The following LHFPL3 variants were observed in gnomAD, a reference collection of about 807,000 sequenced individuals.
LHFPL3 encodes the protein LHFPL tetraspan subfamily member 3 protein.
In LHFPL3, 5 loss-of-function variants were observed where a neutral mutation model predicts 19.3. That is an observed-to-expected ratio of 0.26 (90% CI 0.14 to 0.54). The LOEUF (loss-of-function observed/expected upper bound fraction) is 0.54, where lower values mean the gene tolerates loss of function less well. Among genes scored for constraint, LHFPL3 ranks in the 20% least tolerant of loss-of-function variants. The probability of loss-of-function intolerance (pLI) is 0.94; values close to 1 mark genes in which losing one functional copy is unlikely to be tolerated. For missense variants in LHFPL3, 249 were observed against 307.4 expected, an observed-to-expected ratio of 0.81 and a Z score of 1.42; for synonymous variants, 133 against 126.2, an observed-to-expected ratio of 1.05 and a Z score of -0.36.
intron 2 of LHFPL3, among the ~76,000 whole-genome samples, chr7:104,903,810 A>C (rs982181672): frequency 6.6e-6 from 1 of 152,010 alleles, no homozygotes; most frequent in Non-Finnish European, 1.5e-5. Context: ...TATGTACCAC[A>C]TTTTCTTTAT....
intron 1 of LHFPL3, among the ~76,000 whole-genome samples, chr7:104,606,284 G>A (rs1218958132): frequency 6.6e-6 from 1 of 152,224 alleles, no homozygotes; most frequent in Non-Finnish European, 1.5e-5. Context: ...TTGACAGAGA[G>A]CAGCGAGTAA....
At chr7:104,497,641 A>G (rs911493870) in intron 1 of LHFPL3, among the ~76,000 whole-genome samples, 6 of 145,458 alleles carry the variant, frequency 4.1e-5, no homozygotes, top group African/African-American at 1.6e-4. Flanking sequence ...AAAAAAAAAA[A>G]GGAGGAAAGG....
chr7:104,467,233 C>T (rs1584340117), intron 1 of LHFPL3, among the ~76,000 whole-genome samples: 2 of 152,134 alleles, frequency 1.3e-5, no homozygotes, highest in South Asian at 2.1e-4. Flanking sequence ...CTTGCTCTAC[C>T]TATCTCACAT....
At chr7:104,521,159 G>T (rs1214184429) in intron 1 of LHFPL3, among the ~76,000 whole-genome samples, 2 of 152,078 alleles carry the variant, frequency 1.3e-5, no homozygotes, top group East Asian at 1.9e-4. Flanking sequence ...CTTTGTTCTC[G>T]TTGGTTTCAA....
chr7:104,725,925 G>A (rs1004825057), intron 1 of LHFPL3, among the ~76,000 whole-genome samples: 2 of 151,868 alleles, frequency 1.3e-5, no homozygotes, highest in Admixed American at 6.6e-5. Flanking sequence ...GGTGGCATGT[G>A]CCTGTAATCC....
intron 1 of LHFPL3, among the ~76,000 whole-genome samples, chr7:104,490,600 C>T (rs191284620): frequency 1.6e-3 from 236 of 152,256 alleles, no homozygotes; most frequent in African/African-American, 5.1e-3. Flanking sequence ...TAGTTCTCCA[C>T]TCTCCATTGG....
intron 1 of LHFPL3, among the ~76,000 whole-genome samples, chr7:104,516,502 C>A (rs1357578928): frequency 1.3e-5 from 2 of 151,536 alleles, no homozygotes; most frequent in African/African-American, 4.9e-5. Flanking sequence ...ATTTTATTTG[C>A]CAAAATTAAT....
chr7:104,688,245 A>G (rs1432057622), intron 1 of LHFPL3, among the ~76,000 whole-genome samples: 1 of 152,166 alleles, frequency 6.6e-6, no homozygotes, highest in Non-Finnish European at 1.5e-5. Flanking sequence ...GAGCTCAGAG[A>G]TTCTAACTCC....
rs187269194 is a variant in LHFPL3 at position 104,848,943 on chromosome 7, A to C, written c.683-57244A>C. 1.6e-3 allele frequency among the ~76,000 whole-genome samples: 246 copies of C among 149,932 alleles called. 2 individuals are homozygous for C. Among genetic ancestry groups the C allele is most frequent in the African/African-American group, 5.8e-3 (236 of 40,802 alleles). ...TTGTTGTTGTTGTAGACAAAATCTC[A>C]CTCTGTCACCCGGTTTGTCAGATTG... is the stretch of plus-strand genomic sequence containing the variant. On this transcript the variant is annotated intron_variant, in intron 2 of 2. Transcript: ENST00000424859.
intron 1 of LHFPL3, among the ~76,000 whole-genome samples, chr7:104,569,187 T>C (rs1790180331): frequency 6.6e-6 from 1 of 152,192 alleles, no homozygotes. Context: ...CTTCTTCCCT[T>C]TGGCCATGGT....
intron 1 of LHFPL3, among the ~76,000 whole-genome samples, chr7:104,610,982 A>C (rs1004435521): frequency 1.3e-5 from 2 of 152,194 alleles, no homozygotes; most frequent in African/African-American, 4.8e-5. Context: ...CAGTAGCATG[A>C]ATCGGTTGAC....
intron 1 of LHFPL3, among the ~76,000 whole-genome samples, chr7:104,491,792 A>G (rs560763656): frequency 3.5e-4 from 54 of 152,316 alleles, no homozygotes; most frequent in African/African-American, 1.2e-3. Context: ...ATATCATCCA[A>G]ATTAAATGTT....
At chr7:104,586,830 T>C (rs1177111201) in intron 1 of LHFPL3, among the ~76,000 whole-genome samples, 1 of 152,154 alleles carries the variant, frequency 6.6e-6, no homozygotes, top group African/African-American at 2.4e-5. Flanking sequence ...GCCAAGCACA[T>C]TAACACAATC....
intron 1 of LHFPL3, among the ~76,000 whole-genome samples, chr7:104,430,406 A>ATGTGTATATATATATATATATG (rs1562895151): frequency 3.2e-5 from 1 of 31,430 alleles, no homozygotes; most frequent in Non-Finnish European, 5.2e-5. Context: ...ATATATATAC[A>ATGTGTATATATATATATATATG]TATATATATA....
intron 2 of LHFPL3, among the ~76,000 whole-genome samples, chr7:104,761,192 G>A (rs73415655): frequency 0.027 from 4,171 of 152,150 alleles, 199 homozygotes; most frequent in African/African-American, 0.094. Flanking sequence ...TGCAGAAGCC[G>A]TCTAGGTCTC....
intron 1 of LHFPL3, among the ~76,000 whole-genome samples, chr7:104,702,040 T>C (rs994116662): frequency 4.0e-5 from 6 of 148,718 alleles, no homozygotes; most frequent in African/African-American, 1.5e-4. Flanking sequence ...CCCCACCCCG[T>C]GACAGGCCCC....
chr7:104,680,992 T>G (rs1792684305), intron 1 of LHFPL3, among the ~76,000 whole-genome samples: 1 of 152,212 alleles, frequency 6.6e-6, no homozygotes, highest in African/African-American at 2.4e-5. Flanking sequence ...AAAATATTCC[T>G]ATTTCATATA....
chr7:104,528,431 C>G (rs1794231240), intron 1 of LHFPL3, among the ~76,000 whole-genome samples: 1 of 152,108 alleles, frequency 6.6e-6, no homozygotes. Flanking sequence ...CCTTCTCTTT[C>G]TCATCCTTTT....
At chr7:104,444,021 T>C (rs533831579) in intron 1 of LHFPL3, among the ~76,000 whole-genome samples, 1 of 152,366 alleles carries the variant, frequency 6.6e-6, no homozygotes, top group East Asian at 1.9e-4. Context: ...GATTTGCAAA[T>C]TGGCACAGCC....
Sources: gnomAD v4.1 joint callset for allele counts (sites outside exome capture counted in the v4.1 genomes callset) on GRCh38, gnomAD v4.1.1 for gene constraint, MANE v1.5 for transcripts, NCBI Gene and HGNC (gene_info 2026-07-23, HGNC 2026-07-21) for gene names.